Variants in DSCAML1 observed in about 807,000 individuals in gnomAD.
The protein encoded by DSCAML1 is DS cell adhesion molecule like 1, also known as cell adhesion molecule DSCAML1.
In DSCAML1, 38 loss-of-function variants were observed where a neutral mutation model predicts 200.5. The ratio of observed to expected loss-of-function variants is 0.19; its 90% CI spans 0.15 to 0.25. The LOEUF is 0.25. Among genes scored for constraint, DSCAML1 ranks in the 10% least tolerant of loss-of-function variants. DSCAML1 has a pLI of 1.00. For synonymous variants in DSCAML1, 1,215 were observed against 1,165.0 expected (o/e 1.04, Z -0.87); for missense variants, 2,223 against 2,858.8 (o/e 0.78, Z 5.07).
Position 117,464,860 on chromosome 11 carries a change from G to A in DSCAML1, c.3265+82C>T, listed in dbSNP as rs1169871966. The A allele has an allele frequency of 7.7e-6, 12 of 1,559,016 alleles. No individual in the cohort carries two copies. The Admixed American group carries it at 2.0e-4, about 26-fold the overall frequency. Reference sequence around the variant, plus strand: ...AAAATGGGGCCCAGGGGCAAACAGAGGGACCCACAAACCCTCTCTGGCAGC... The same window carrying A: ...AAAATGGGGCCCAGGGGCAAACAGAAGGACCCACAAACCCTCTCTGGCAGC... On this transcript the variant is annotated intron_variant, in intron 17 of 32. Coordinates refer to ENST00000651296, the MANE Select transcript of DSCAML1 (RefSeq NM_020693.4).
intron 3 of DSCAML1, among the ~76,000 whole-genome samples, chr11:117,567,430 G>A (rs1278710732): frequency 1.3e-5 from 2 of 152,006 alleles, no homozygotes; most frequent in Admixed American, 1.3e-4. Context: ...GGGGTGGTTT[G>A]TTTTTTTCTT....
Position 117,504,781 on chromosome 11 carries a change from C to A in DSCAML1, c.2182+143G>T. ...GAGGATGACTCCAGGTGAGGTGTAG[C>A]CTGGGGTCCACTGGGGTGCAGACCA... On this transcript the variant is annotated intron_variant, in intron 10 of 32. Transcript: ENST00000651296. The surrounding 1 kb of genome is among the most constrained non-coding windows in gnomAD (Gnocchi z 5.0). 1 of 1,206,880 alleles carries A rather than the reference C, an allele frequency of 8.3e-7. No homozygotes were observed. The highest frequency in any genetic ancestry group is 2.4e-5 in the South Asian group (1 of 41,058). 74.8% of individuals were successfully genotyped at this position (1,206,880 alleles called of 1,614,324 possible).
At chr11:117,597,798 T>A (rs987052068) in intron 3 of DSCAML1, among the ~76,000 whole-genome samples, 1 of 152,156 alleles carries the variant, frequency 6.6e-6, no homozygotes, top group African/African-American at 2.4e-5. Context: ...CCTGACCTCC[T>A]ATTTTTGCCC....
intron 11 of DSCAML1, among the ~76,000 whole-genome samples, chr11:117,493,502 G>A (rs2049228953): frequency 6.6e-6 from 1 of 151,660 alleles, no homozygotes; most frequent in African/African-American, 2.4e-5. Flanking sequence ...ATTTAGTAGA[G>A]ATGGGGTTTC....
At position 117,428,278 on chromosome 11, in the gene DSCAML1, T is replaced by C. The variant is rs1356827344; in HGVS notation, c.*50A>G. 9.6e-7 allele frequency: 1 copy of C among 1,044,710 alleles called. No homozygotes were observed. Among genetic ancestry groups the C allele is most frequent in the African/African-American group, 1.6e-5 (1 of 61,836 alleles). The allele number at this position is 1,044,710 out of a possible 1,614,324, so 64.7% of individuals were successfully genotyped here. On this transcript the variant is annotated 3_prime_UTR_variant, in exon 33 of 33. Transcript: ENST00000651296. ...GCAGAAAAACAGCCGAGCTGGCGTG[T>C]GGGGCTGCGGCGCGGCGCGGTCCAG...
At chr11:117,597,750 C>G (rs767233128) in intron 3 of DSCAML1, among the ~76,000 whole-genome samples, 3 of 152,172 alleles carry the variant, frequency 2.0e-5, no homozygotes, top group Non-Finnish European at 2.9e-5. Flanking sequence ...ACCACCACAC[C>G]TGGCTAATTC....
At chr11:117,471,757 C>T in intron 15 of DSCAML1, 112 bp downstream of exon 15, 1 of 1,186,688 alleles carries the variant, frequency 8.4e-7, no homozygotes, top group Non-Finnish European at 1.1e-6. Context: ...TGCTTTTCCC[C>T]ACGCCACCCC....
In DSCAML1 at chr11:117,434,127, T is replaced by C. The variant is rs114814536; in HGVS notation, c.4877-656A>G. ...GCTGTCAGAATGAATCCCAAATAGC[T>C]GTATGCATGCATCTAACCATCCAAT... is the stretch of plus-strand genomic sequence containing the variant. On this transcript the variant is annotated intron_variant, in intron 27 of 32. Transcript: ENST00000651296. Among the ~76,000 whole-genome samples the C allele has an allele frequency of 7.4e-3, 1,130 of 152,336 alleles. 7 individuals are homozygous for C. Among genetic ancestry groups the C allele is most frequent in the African/African-American group, 0.026 (1,089 of 41,576 alleles).
intron 16 of DSCAML1, among the ~76,000 whole-genome samples, chr11:117,465,436 A>T (rs1229957080): frequency 6.6e-6 from 1 of 151,906 alleles, no homozygotes; most frequent in Non-Finnish European, 1.5e-5. Flanking sequence ...CCGCATCCCC[A>T]TCTCAGGGGA....
chr11:117,441,817 C>G (rs1004587848), intron 21 of DSCAML1, among the ~76,000 whole-genome samples: 1 of 152,092 alleles, frequency 6.6e-6, no homozygotes, highest in Non-Finnish European at 1.5e-5. Context: ...ACCAGACAGG[C>G]CCGGCAGAGG....
intron 3 of DSCAML1, among the ~76,000 whole-genome samples, chr11:117,563,821 T>C (rs1434260964): frequency 1.3e-5 from 2 of 152,024 alleles, no homozygotes; most frequent in Non-Finnish European, 2.9e-5. Context: ...ACATACGACA[T>C]GTGAAAAGGG....
In DSCAML1 at chr11:117,765,270, A is replaced by G. The variant is rs2054874954; in HGVS notation, c.511+11521T>C. ...AAAGTCGAGCTTGGCAGCTACAGAG[A>G]CCCGTATTTAAGTTCCAGAGGCTTC... On this transcript the variant is annotated intron_variant, in intron 3 of 32. Transcript: ENST00000651296. 2.0e-5 allele frequency among the ~76,000 whole-genome samples: 3 copies of G among 152,130 alleles called. No individual in the cohort carries two copies. The South Asian group carries it at 6.2e-4, about 32-fold the overall frequency.
At chr11:117,432,581 C>T in intron 29 of DSCAML1, 77 bp from the exon 30 acceptor site, 1 of 1,472,278 alleles carries the variant, frequency 6.8e-7, no homozygotes, top group African/African-American at 1.4e-5. Context: ...CTGAATTTCT[C>T]TTTGTCTTTA....
chr11:117,435,936 G>T, intron 26 of DSCAML1, 137 bp from the exon 27 acceptor site: 1 of 919,728 alleles, frequency 1.1e-6, no homozygotes. Context: ...ACAGAACCCT[G>T]GACTTCCCCT....
chr11:117,587,259 C>CCCCT (rs1555187512), intron 3 of DSCAML1, among the ~76,000 whole-genome samples: 3 of 147,938 alleles, frequency 2.0e-5, no homozygotes, highest in African/African-American at 5.1e-5. Context: ...TCCAACCCCC[C>CCCCT]CCCACGATTT....
At chr11:117,564,731 T>G (rs1048894254) in intron 3 of DSCAML1, among the ~76,000 whole-genome samples, 1 of 141,366 alleles carries the variant, frequency 7.1e-6, no homozygotes, top group Non-Finnish European at 1.6e-5. Flanking sequence ...TCCTTCCTTC[T>G]TTCCTTCTCT....
intron 3 of DSCAML1, among the ~76,000 whole-genome samples, chr11:117,571,536 C>T (rs1040728303): frequency 6.6e-5 from 10 of 152,154 alleles, no homozygotes; most frequent in African/African-American, 2.2e-4. Context: ...CCGGTATTCC[C>T]AGGGGAAGAA....
intron 3 of DSCAML1, among the ~76,000 whole-genome samples, chr11:117,723,843 C>T (rs1002170544): frequency 6.6e-6 from 1 of 152,218 alleles, no homozygotes; most frequent in African/African-American, 2.4e-5. Flanking sequence ...AATGATGGGG[C>T]CAGAAGACAC....
chr11:117,809,202 C>T (rs1005682578), intron 1 of DSCAML1, among the ~76,000 whole-genome samples: 2 of 152,384 alleles, frequency 1.3e-5, no homozygotes, highest in Middle Eastern at 3.4e-3. Flanking sequence ...CAGGAGAAGT[C>T]TTGCCTCATT....
Sources: allele counts gnomAD v4.1 joint callset (sites outside exome capture counted in the v4.1 genomes callset), GRCh38; gene constraint gnomAD v4.1.1; non-coding constraint Gnocchi (gnomAD v3.1); transcripts MANE v1.5; gene names NCBI Gene and HGNC (gene_info 2026-07-23, HGNC 2026-07-21).